The following ALK variants were observed in gnomAD, a reference collection of about 807,000 sequenced individuals.
ALK encodes the protein ALK tyrosine kinase receptor.
Under a neutral mutation model 163.1 loss-of-function variants are expected in ALK, and 74 were observed. That is an observed-to-expected ratio of 0.45 (90% CI 0.38 to 0.55). The LOEUF (loss-of-function observed/expected upper bound fraction) is 0.55, where lower values mean the gene tolerates loss of function less well. Among genes scored for constraint, ALK ranks in the 20% least tolerant of loss-of-function variants. ALK has a pLI of 0.00. For synonymous variants in ALK, 960 were observed against 843.2 expected (o/e 1.14, Z -2.40); for missense variants, 2,063 against 2,105.3 (o/e 0.98, Z 0.39).
chr2:29,641,935 T>C (rs777489127), intron 3 of ALK, among the ~76,000 whole-genome samples: 9 of 152,172 alleles, frequency 5.9e-5, no homozygotes, highest in Non-Finnish European at 1.3e-4. Context: ...CAAACCCAGG[T>C]ATACATAAGA....
At chr2:29,315,055 A>C (rs1666794662) in intron 8 of ALK, among the ~76,000 whole-genome samples, 1 of 152,306 alleles carries the variant, frequency 6.6e-6, no homozygotes, top group African/African-American at 2.4e-5. Context: ...TAACATCAGA[A>C]TATATTGTAA....
chr2:29,852,053 T>C (rs1306318262), intron 1 of ALK, among the ~76,000 whole-genome samples: 2 of 152,210 alleles, frequency 1.3e-5, no homozygotes, highest in Admixed American at 6.5e-5. Context: ...CAGGGGAAGA[T>C]AGAGAACGGA....
intron 3 of ALK, among the ~76,000 whole-genome samples, chr2:29,612,610 T>G (rs893424662): frequency 2.0e-5 from 3 of 152,158 alleles, no homozygotes; most frequent in African/African-American, 7.2e-5. Flanking sequence ...CCCCAAAACT[T>G]ACTGAAACTT....
chr2:29,300,468 T>A (rs1390714305), intron 8 of ALK, among the ~76,000 whole-genome samples: 1 of 147,302 alleles, frequency 6.8e-6, no homozygotes, highest in Non-Finnish European at 1.5e-5. Context: ...GGCAGGAGAA[T>A]CCCTTGAACC....
chr2:29,692,217 G>A (rs1471904798), intron 3 of ALK, among the ~76,000 whole-genome samples: 2 of 152,158 alleles, frequency 1.3e-5, no homozygotes, highest in African/African-American at 4.8e-5. Context: ...CCTGACAATA[G>A]CAATACTGAT....
intron 1 of ALK, among the ~76,000 whole-genome samples, chr2:29,747,548 C>T (rs1422935386): frequency 1.3e-5 from 2 of 152,206 alleles, no homozygotes; most frequent in African/African-American, 4.8e-5. Context: ...CCCACCCCAT[C>T]CTGGGAGACA....
chr2:29,914,336 A>G (rs191635849), intron 1 of ALK, among the ~76,000 whole-genome samples: 123 of 152,312 alleles, frequency 8.1e-4, no homozygotes, highest in South Asian at 2.3e-3. Context: ...ATGGAGAACA[A>G]CAGCATCACA....
At chr2:29,509,300 T>C (rs1185935510) in intron 4 of ALK, among the ~76,000 whole-genome samples, 1 of 152,204 alleles carries the variant, frequency 6.6e-6, no homozygotes, top group Non-Finnish European at 1.5e-5. Context: ...TTTCCCCTGA[T>C]AGATTAAAAG....
chr2:29,553,511 G>T (rs1281306978), intron 3 of ALK, among the ~76,000 whole-genome samples: 1 of 152,188 alleles, frequency 6.6e-6, no homozygotes, highest in African/African-American at 2.4e-5. Flanking sequence ...GAATGCTTCT[G>T]ACATTTACCT....
intron 3 of ALK, among the ~76,000 whole-genome samples, chr2:29,688,755 G>A (rs923593228): frequency 2.6e-5 from 4 of 152,106 alleles, no homozygotes; most frequent in Non-Finnish European, 5.9e-5. Context: ...TTCTATTCCA[G>A]TTTTCTTACC....
At chr2:29,870,490 C>T (rs899903945) in intron 1 of ALK, among the ~76,000 whole-genome samples, 15 of 152,100 alleles carry the variant, frequency 9.9e-5, no homozygotes, top group African/African-American at 3.4e-4. Flanking sequence ...GCCCCTCCTC[C>T]AACATATAGG....
chr2:29,517,460 A>G (rs1672702933), intron 4 of ALK, among the ~76,000 whole-genome samples: 1 of 152,164 alleles, frequency 6.6e-6, no homozygotes, highest in African/African-American at 2.4e-5. Flanking sequence ...AAATCATTTA[A>G]CCAATCCTCT....
intron 12 of ALK, among the ~76,000 whole-genome samples, chr2:29,247,228 C>G (rs989685369): frequency 2.0e-5 from 3 of 152,254 alleles, no homozygotes; most frequent in African/African-American, 7.2e-5. Flanking sequence ...CCCTACACCC[C>G]ACGGAGATGC....
intron 4 of ALK, among the ~76,000 whole-genome samples, chr2:29,450,803 G>C (rs1195101381): frequency 2.0e-5 from 3 of 152,170 alleles, no homozygotes; most frequent in African/African-American, 7.2e-5. Flanking sequence ...AAAAGGAAAA[G>C]AGGTTGGGCA....
chr2:29,315,877 C>T (rs1158710431), intron 8 of ALK, among the ~76,000 whole-genome samples: 1 of 152,148 alleles, frequency 6.6e-6, no homozygotes, highest in Non-Finnish European at 1.5e-5. Context: ...AGGCATCAGC[C>T]TCAGGGCTCA....
At position 29,724,232 on chromosome 2, in the gene ALK, A is replaced by T. The variant is rs572773367; in HGVS notation, c.668-6535T>A. Among the ~76,000 whole-genome samples, 9 of 152,330 alleles carry T rather than the reference A, an allele frequency of 5.9e-5. No individual in the cohort carries two copies. The South Asian group carries it at 1.9e-3, about 32-fold the overall frequency. On this transcript the variant is annotated intron_variant, in intron 1 of 28. Transcript: ENST00000389048. The stretch of plus-strand genomic sequence containing the variant: ...TTGGAACAGTTCCTACCTTGCCTGT[A>T]CACGTTTTACTTATTTCTTTTCCTT...
intron 3 of ALK, among the ~76,000 whole-genome samples, chr2:29,604,170 T>TG (rs905448505): frequency 6.6e-6 from 1 of 151,742 alleles, no homozygotes; most frequent in Non-Finnish European, 1.5e-5. Context: ...GAAGTTTTTT[T>TG]TTTTTTTTTT....
chr2:29,278,765 G>A (rs888287340), intron 9 of ALK, among the ~76,000 whole-genome samples: 1 of 152,228 alleles, frequency 6.6e-6, no homozygotes, highest in African/African-American at 2.4e-5. Flanking sequence ...GTTCCCTGTG[G>A]GAGCATCAGG....
At chr2:29,718,116 T>G (rs943567599) in intron 1 of ALK, among the ~76,000 whole-genome samples, 1 of 152,224 alleles carries the variant, frequency 6.6e-6, no homozygotes, top group Non-Finnish European at 1.5e-5. Flanking sequence ...CTAATGTTGT[T>G]TGCTTGGGTT....
Sources: gnomAD v4.1 joint callset for allele counts (sites outside exome capture counted in the v4.1 genomes callset) on GRCh38, gnomAD v4.1.1 for gene constraint, MANE v1.5 for transcripts, NCBI Gene and HGNC (gene_info 2026-07-23, HGNC 2026-07-21) for gene names.